CYSRT1: variants seen among roughly 807,000 people sequenced by gnomAD.
CYSRT1 encodes the protein cysteine rich tail 1.
CYSRT1 carries 7 observed loss-of-function variants against 6.2 expected under a neutral mutation model. That is an observed-to-expected ratio of 1.13 (90% CI 0.64 to 2.13). CYSRT1 has a LOEUF of 2.13. Among genes scored for constraint, CYSRT1 ranks in the 30% most tolerant of loss-of-function variants. CYSRT1 has a pLI of 0.00. For missense variants in CYSRT1, 188 were observed against 196.4 expected, an observed-to-expected ratio of 0.96 and a Z score of 0.26; for synonymous variants, 75 against 83.1, an observed-to-expected ratio of 0.90 and a Z score of 0.53.
chr9:137,225,362 G>A (rs1835947314), intron 1 of CYSRT1, 129 bp downstream of exon 1: 2 of 1,125,662 alleles, frequency 1.8e-6, no homozygotes, highest in East Asian at 2.6e-5. Context: ...ACCAGGGGAG[G>A]GGGAGGATCC....
rs1306944898 is a variant in CYSRT1 at position 137,225,675 on chromosome 9, C to T, written c.54C>T (p.Pro18=). 75 of 1,550,348 alleles carry T rather than the reference C, an allele frequency of 4.8e-5. No individual in the cohort carries two copies. The highest frequency in any genetic ancestry group is 6.3e-5 in the Non-Finnish European group (72 of 1,146,966). Residue 18 remains proline (P), a synonymous_variant, in exon 2 of 2, where the codon CCC becomes CCT. Coordinates refer to ENST00000650725, the MANE Select transcript of CYSRT1 (RefSeq NM_199001.5). ...ACCCATATGCCCACATCAGCATCCC[C>T]CGGGCTCACCTGCGGCCTGACCTGG... is the stretch of plus-strand genomic sequence containing the variant. ...VKNPYAHISI[P]RAHLRPDLGQ...
At chr9:137,225,475 C>T in intron 1 of CYSRT1, 139 bp from the exon 2 acceptor site, 2 of 1,438,276 alleles carry the variant, frequency 1.4e-6, no homozygotes, top group Non-Finnish European at 9.1e-7. Context: ...GGTGATGGCA[C>T]CCCGGCACTG....
At position 137,225,819 on chromosome 9, in the gene CYSRT1, C is replaced by T. The variant is rs1835959577; in HGVS notation, c.198C>T (p.Pro66=). 1.9e-6 allele frequency: 3 copies of T among 1,548,534 alleles called. No homozygotes were observed. The highest frequency in any genetic ancestry group is 2.7e-5 in the African/African-American group (2 of 73,048). ...HLLQPTEVPG[P]KGAKGNQGAA... Reference sequence around the variant, plus strand: ...TGCAGCCGACCGAGGTCCCAGGGCCCAAGGGCGCCAAGGGTAACCAGGGGG... The same window carrying T: ...TGCAGCCGACCGAGGTCCCAGGGCCTAAGGGCGCCAAGGGTAACCAGGGGG... Residue 66 remains proline, a synonymous_variant, in exon 2 of 2, where the codon CCC becomes CCT. Transcript: ENST00000650725.
Position 137,226,255 on chromosome 9 carries a change from G to A in CYSRT1, c.*199G>A. Reference sequence around the variant, plus strand: ...CGGAATCCCAGGTCCTGGCTGGAGAGGGACACCCCTGATTACCTTAAGGCC... The same window carrying A: ...CGGAATCCCAGGTCCTGGCTGGAGAAGGACACCCCTGATTACCTTAAGGCC... On this transcript the variant is annotated 3_prime_UTR_variant, in exon 2 of 2. Coordinates refer to ENST00000650725, the MANE Select transcript of CYSRT1 (RefSeq NM_199001.5). 1.0e-6 allele frequency: 1 copy of A among 989,458 alleles called. No individual in the cohort carries two copies. Among genetic ancestry groups the A allele is most frequent in the Non-Finnish European group, 1.5e-6 (1 of 684,714 alleles). The allele number at this position is 989,458 out of a possible 1,614,324, so 61.3% of individuals were successfully genotyped here.
rs1405957418 is a variant in CYSRT1 at position 137,225,996 on chromosome 9, C to T, written c.375C>T (p.His125=). 3.9e-6 allele frequency: 6 copies of T among 1,549,132 alleles called. 1 individual carries two copies. In the African/African-American group the frequency reaches 5.5e-5, roughly 14 times the overall value. ...AHHCCCCPCC[H]CCHCPPFCRC... Reference sequence around the variant, plus strand: ...ACTGCTGCTGCTGCCCCTGCTGCCACTGCTGCCACTGCCCCCCCTTCTGCC... The same window carrying T: ...ACTGCTGCTGCTGCCCCTGCTGCCATTGCTGCCACTGCCCCCCCTTCTGCC... Residue 125 remains histidine, a synonymous_variant, in exon 2 of 2, where the codon CAC becomes CAT. Coordinates refer to ENST00000650725, the MANE Select transcript of CYSRT1 (RefSeq NM_199001.5).
chr9:137,226,269 T>C lies in CYSRT1; in HGVS notation c.*213T>C. 2 of 840,746 alleles carry C rather than the reference T, an allele frequency of 2.4e-6. No homozygotes were observed. Among genetic ancestry groups the C allele is most frequent in the Non-Finnish European group, 3.6e-6 (2 of 549,958 alleles). The allele number at this position is 840,746 out of a possible 1,614,324, so 52.1% of individuals were successfully genotyped here. A position where few individuals can be genotyped will look rare whatever the true frequency, so the allele number is the denominator to read the frequency against. On this transcript the variant is annotated 3_prime_UTR_variant, in exon 2 of 2. Coordinates refer to ENST00000650725, the MANE Select transcript of CYSRT1 (RefSeq NM_199001.5). ...CTGGCTGGAGAGGGACACCCCTGAT[T>C]ACCTTAAGGCCCAGGCAATAAAGCA...
Position 137,225,703 on chromosome 9 carries a change from C to T in CYSRT1, c.82C>T (p.Gln28Ter). ...GGCTCACCTGCGGCCTGACCTGGGG[C>T]AGCAGTTAGAGGTGGCTTCCACCTG... Reference protein sequence around the residue: ...PRAHLRPDLGQQLEVASTCSS... With the variant: ...PRAHLRPDLG Residue 28 changes from glutamine to a stop codon, truncating the protein, a stop_gained, in exon 2 of 2, where the codon CAG becomes TAG. Transcript: ENST00000650725. LOFTEE classifies it low-confidence loss of function (END_TRUNC). The T allele has an allele frequency of 6.4e-7, 1 of 1,550,422 alleles. No homozygotes were observed. Among genetic ancestry groups the T allele is most frequent in the Non-Finnish European group, 8.7e-7 (1 of 1,146,956 alleles).
chr9:137,225,971 ACTG>A lies in CYSRT1; in HGVS notation c.361_363del (p.Cys121del), dbSNP rs1554781448. 5.2e-6 allele frequency: 8 copies of A among 1,546,492 alleles called. No individual in the cohort carries two copies. The Admixed American group carries it at 5.9e-5, about 11-fold the overall frequency. ...GGGCGCGGGGATGACATCGCCCACC[ACTG>A]CTGCTGCTGCCCCTGCTGCCACTGC... is the stretch of plus-strand genomic sequence containing the variant. On this transcript the variant is annotated inframe_deletion, in exon 2 of 2. Coordinates refer to ENST00000650725, the MANE Select transcript of CYSRT1 (RefSeq NM_199001.5).
In CYSRT1 at chr9:137,225,692, CT is replaced by C; in HGVS notation, c.72del (p.Asp25ThrfsTer6). 1 of 1,550,440 alleles carries C rather than the reference CT, an allele frequency of 6.4e-7. No homozygotes were observed. The highest frequency in any genetic ancestry group is 8.7e-7 in the Non-Finnish European group (1 of 1,146,960). On this transcript the variant is annotated frameshift_variant, in exon 2 of 2. Transcript: ENST00000650725. LOFTEE classifies it low-confidence loss of function (END_TRUNC). ...AGCATCCCCCGGGCTCACCTGCGGC[CT>C]GACCTGGGGCAGCAGTTAGAGGTGG... is the stretch of plus-strand genomic sequence containing the variant. ...HISIPRAHLR[P>X]DLGQQLEVAS...
Position 137,225,755 on chromosome 9 carries a change from T to TG in CYSRT1, c.135dup (p.Pro46AlafsTer27). 6.5e-7 allele frequency: 1 copy of TG among 1,550,160 alleles called. No homozygotes were observed. Among genetic ancestry groups the TG allele is most frequent in the Non-Finnish European group, 8.7e-7 (1 of 1,146,916 alleles). ...TCCTCATCCTCGGAGATGCAGCCCC[T>TG]GCCAGTGGGGCCCTGTGCCCCAGAG... is the stretch of plus-strand genomic sequence containing the variant. On this transcript the variant is annotated frameshift_variant, in exon 2 of 2. Coordinates refer to ENST00000650725, the MANE Select transcript of CYSRT1 (RefSeq NM_199001.5). LOFTEE classifies it low-confidence loss of function (END_TRUNC).
Position 137,225,960 on chromosome 9 carries a change from C to T in CYSRT1, c.339C>T (p.Asp113=), listed in dbSNP as rs1273149632. The T allele has an allele frequency of 5.2e-6, 8 of 1,548,822 alleles. No individual in the cohort carries two copies. Among genetic ancestry groups the T allele is most frequent in the Non-Finnish European group, 7.0e-6 (8 of 1,146,664 alleles). ...CTCCGCCCGCGGGGCGCGGGGATGA[C>T]ATCGCCCACCACTGCTGCTGCTGCC... ...AGPPPAGRGD[D]IAHHCCCCPC... is the part of the protein sequence containing the mutation. The change falls in exon 2 of 2, where the codon GAC becomes GAT. Residue 113 remains aspartate, a synonymous_variant. Coordinates refer to ENST00000650725, the MANE Select transcript of CYSRT1 (RefSeq NM_199001.5).
rs1835943158 is a variant in CYSRT1 at position 137,225,190 on chromosome 9, A to T, written c.-52A>T. The T allele has an allele frequency of 1.9e-6, 3 of 1,550,402 alleles. 1 individual carries two copies. Among genetic ancestry groups the T allele is most frequent in the African/African-American group, 2.7e-5 (2 of 73,182 alleles). On this transcript the variant is annotated 5_prime_UTR_variant, in exon 1 of 2. Transcript: ENST00000650725. ...GCTCAACTCAGGCACTGGGACCTAG[A>T]GCTCAGAAGACCGAGAGGACAGACT...
chr9:137,226,008 C>T lies in CYSRT1; in HGVS notation c.387C>T (p.Cys129=), dbSNP rs1324291417. 6.5e-7 allele frequency: 1 copy of T among 1,548,828 alleles called. No homozygotes were observed. The highest frequency in any genetic ancestry group is 8.7e-7 in the Non-Finnish European group (1 of 1,146,648). Residue 129 remains cysteine (C), a synonymous_variant, in exon 2 of 2, where the codon TGC becomes TGT. Coordinates refer to ENST00000650725, the MANE Select transcript of CYSRT1 (RefSeq NM_199001.5). The stretch of plus-strand genomic sequence containing the variant: ...GCCCCTGCTGCCACTGCTGCCACTG[C>T]CCCCCCTTCTGCCGCTGCCACAGCT... ...CCCPCCHCCH[C]PPFCRCHSCC...
rs1184081216 is a variant in CYSRT1, at chr9:137,225,796, C to G, written c.175C>G (p.Gln59Glu). 1.3e-6 allele frequency: 2 copies of G among 1,549,602 alleles called. No individual in the cohort carries two copies. Among genetic ancestry groups the G allele is most frequent in the South Asian group, 2.4e-5 (2 of 84,010 alleles). Residue 59 changes from glutamine (Q) to glutamate (E), a missense_variant, in exon 2 of 2, where the codon CAG becomes GAG. Physicochemically the swap from Gln to Glu is conservative, Grantham distance 29. Transcript: ENST00000650725. ...PCAPEPTHLL[Q>E]PTEVPGPKGA... ...TGCCCCAGAGCCAACCCACCTCTTG[C>G]AGCCGACCGAGGTCCCAGGGCCCAA...
In CYSRT1 at chr9:137,225,710, T is replaced by TA. The variant is rs1283503175; in HGVS notation, c.90dup (p.Glu31ArgfsTer42). The TA allele has an allele frequency of 1.9e-6, 3 of 1,550,382 alleles. No individual in the cohort carries two copies. Among genetic ancestry groups the TA allele is most frequent in the Non-Finnish European group, 2.6e-6 (3 of 1,146,948 alleles). On this transcript the variant is annotated frameshift_variant, in exon 2 of 2. Coordinates refer to ENST00000650725, the MANE Select transcript of CYSRT1 (RefSeq NM_199001.5). LOFTEE classifies it low-confidence loss of function (END_TRUNC). ...CTGCGGCCTGACCTGGGGCAGCAGT[T>TA]AGAGGTGGCTTCCACCTGTTCCTCA...
chr9:137,225,802 A>G lies in CYSRT1; in HGVS notation c.181A>G (p.Thr61Ala), dbSNP rs1265812740. Residue 61 changes from threonine (T) to alanine (A), a missense_variant, in exon 2 of 2, where the codon ACC (threonine) becomes GCC (alanine). Thr to Ala is a moderately conservative substitution (Grantham distance 58). Coordinates refer to ENST00000650725, the MANE Select transcript of CYSRT1 (RefSeq NM_199001.5). ...AGAGCCAACCCACCTCTTGCAGCCG[A>G]CCGAGGTCCCAGGGCCCAAGGGCGC... ...APEPTHLLQP[T>A]EVPGPKGAKG... is the part of the protein sequence containing the mutation. 6.5e-7 allele frequency: 1 copy of G among 1,549,414 alleles called. No homozygotes were observed. The highest frequency in any genetic ancestry group is 1.4e-5 in the African/African-American group (1 of 73,034).
rs866004302 is a variant in CYSRT1 at position 137,225,698 on chromosome 9, T to C, written c.77T>C (p.Leu26Pro). The C allele has an allele frequency of 3.2e-6, 5 of 1,550,374 alleles. No individual in the cohort carries two copies. In the African/African-American group the frequency reaches 5.5e-5, roughly 17 times the overall value. ...CCCCGGGCTCACCTGCGGCCTGACC[T>C]GGGGCAGCAGTTAGAGGTGGCTTCC... Reference protein sequence around the residue: ...SIPRAHLRPDLGQQLEVASTC... With the variant: ...SIPRAHLRPDPGQQLEVASTC... Residue 26 changes from leucine to proline, a missense_variant, in exon 2 of 2, where the codon CTG becomes CCG. Transcript: ENST00000650725.
chr9:137,225,914 C>A lies in CYSRT1; in HGVS notation c.293C>A (p.Ala98Asp). Residue 98 changes from alanine (A) to aspartate (D), a missense_variant, in exon 2 of 2, where the codon GCC becomes GAC. By Grantham distance (126) the Ala-to-Asp change is moderately radical (BLOSUM62 -2). Transcript: ENST00000650725. ...CCCTACAGCAGCAGTCAGCGCCAGGCCGGACTGACCTACGCTGGCCCTCCG... is the reference window on the plus strand; with the variant it reads ...CCCTACAGCAGCAGTCAGCGCCAGGACGGACTGACCTACGCTGGCCCTCCG... ...GNPYSSSQRQ[A>D]GLTYAGPPPA... 6.5e-7 allele frequency: 1 copy of A among 1,546,010 alleles called. No homozygotes were observed. Among genetic ancestry groups the A allele is most frequent in the Non-Finnish European group, 8.7e-7 (1 of 1,146,606 alleles).
In CYSRT1 at chr9:137,225,627, C is replaced by A. The variant is rs573864886; in HGVS notation, c.6C>A (p.Asp2Glu). 6.5e-5 allele frequency: 101 copies of A among 1,550,194 alleles called. 1 individual carries two copies. The East Asian group carries it at 8.3e-4, about 13-fold the overall frequency. The change falls in exon 2 of 2, where the codon GAC becomes GAA. Residue 2 changes from aspartate to glutamate, a missense_variant. By Grantham distance (45) the Asp-to-Glu change is conservative. Transcript: ENST00000650725. Reference sequence around the variant, plus strand: ...CCACCCCTGCAGGCTGGACCATGGACCCCCAAGAGATGGTCGTCAAGAACC... The same window carrying A: ...CCACCCCTGCAGGCTGGACCATGGAACCCCAAGAGATGGTCGTCAAGAACC... Reference protein sequence around the residue: MDPQEMVVKNPY... With the variant: MEPQEMVVKNPY...
Sources: allele counts gnomAD v4.1 joint callset, GRCh38; gene constraint gnomAD v4.1.1; transcripts MANE v1.5; gene names NCBI Gene and HGNC (gene_info 2026-07-23, HGNC 2026-07-21).